DAB2IP: variants seen among roughly 807,000 people sequenced by gnomAD.
DAB2IP encodes the protein DAB2 interacting protein.
Under a neutral mutation model 107.2 loss-of-function variants are expected in DAB2IP, and 28 were observed. The observed-to-expected ratio is 0.26, with a 90% CI of 0.19 to 0.36. DAB2IP has a LOEUF of 0.36. Among genes scored for constraint, DAB2IP ranks in the 10% least tolerant of loss-of-function variants. The pLI, the probability that DAB2IP is intolerant of heterozygous loss-of-function variation, is 1.00. For missense variants in DAB2IP, 1,400 were observed against 1,644.7 expected (o/e 0.85, Z 2.57); for synonymous variants, 755 against 706.4 (o/e 1.07, Z -1.09).
At chr9:121,653,282 TAAAGACCTGGGG>T (rs1832835709) in intron 1 of DAB2IP, among the ~76,000 whole-genome samples, 4 of 149,844 alleles carry the variant, frequency 2.7e-5, no homozygotes, top group African/African-American at 9.8e-5. Context: ...GAGGGAGTAC[TAAAGACCTGGGG>T]AAGGCTTTAT....
intron 8 of DAB2IP, among the ~76,000 whole-genome samples, chr9:121,764,396 AAGC>A (rs1388426425): frequency 6.6e-6 from 1 of 152,226 alleles, no homozygotes; most frequent in Non-Finnish European, 1.5e-5. Context: ...CAGCCCCAGA[AAGC>A]AGCAGGGCAT....
chr9:121,701,327 G>A lies in DAB2IP; in HGVS notation c.362+1869G>A, dbSNP rs547523458. 6.6e-6 allele frequency among the ~76,000 whole-genome samples: 1 copy of A among 152,348 alleles called. No homozygotes were observed. The highest frequency in any genetic ancestry group is 2.4e-5 in the African/African-American group (1 of 41,590). The stretch of plus-strand genomic sequence containing the variant: ...GGGCATGGCCAAGACGACCTCGTGC[G>A]GGTCCTGCCCCACTTGGCCTCAGGT... On this transcript the variant is annotated intron_variant, in intron 3 of 15. Transcript: ENST00000408936. This position sits in a 1 kb window ranked among gnomAD's most constrained non-coding sequence, Gnocchi z 4.7.
At chr9:121,691,475 C>T (rs553744749) in intron 2 of DAB2IP, among the ~76,000 whole-genome samples, 1 of 149,972 alleles carries the variant, frequency 6.7e-6, no homozygotes, top group Non-Finnish European at 1.5e-5. Flanking sequence ...GAGCCGAGAT[C>T]GCGCCACTGC....
chr9:121,645,420 C>CA (rs1832501679), intron 1 of DAB2IP, among the ~76,000 whole-genome samples: 1 of 152,186 alleles, frequency 6.6e-6, no homozygotes, highest in African/African-American at 2.4e-5. Flanking sequence ...GGGCAGAAGG[C>CA]AGCAGGCATT....
rs79652520 is a variant in DAB2IP at position 121,753,316 on chromosome 9, G to A, written c.363-3697G>A. The stretch of plus-strand genomic sequence containing the variant: ...CTCCTTGGTGCCACCTCGCCTAGGG[G>A]ACCAAAGCTCTAGTCTCCAAGGACC... On this transcript the variant is annotated intron_variant, in intron 3 of 15. Coordinates refer to ENST00000408936, the Ensembl canonical transcript of DAB2IP. Among the ~76,000 whole-genome samples the A allele has an allele frequency of 8.8e-3, 1,337 of 152,312 alleles. 14 individuals are homozygous for A. The highest frequency in any genetic ancestry group is 0.026 in the African/African-American group (1,097 of 41,558).
intron 2 of DAB2IP, among the ~76,000 whole-genome samples, chr9:121,693,096 G>A (rs906848588): frequency 1.8e-4 from 27 of 152,360 alleles, no homozygotes; most frequent in South Asian, 2.1e-4. Context: ...GAAAGAGGAA[G>A]TGTGGGCAGA....
At chr9:121,764,472 C>G (rs371453627) in intron 8 of DAB2IP, among the ~76,000 whole-genome samples, 1 of 152,250 alleles carries the variant, frequency 6.6e-6, no homozygotes, top group Non-Finnish European at 1.5e-5. Flanking sequence ...GAGAAACTTG[C>G]GGTAAGGCCG....
At chr9:121,640,768 G>T (rs958256063) in intron 1 of DAB2IP, among the ~76,000 whole-genome samples, 1 of 152,192 alleles carries the variant, frequency 6.6e-6, no homozygotes, top group African/African-American at 2.4e-5. Flanking sequence ...GTGGGGTGGG[G>T]CCAGTCCTGA....
At chr9:121,624,890 G>A (rs1831589351) in intron 1 of DAB2IP, among the ~76,000 whole-genome samples, 1 of 152,234 alleles carries the variant, frequency 6.6e-6, no homozygotes, top group Admixed American at 6.5e-5. Context: ...AGGAACGTAA[G>A]TCTCAATAAG....
chr9:121,712,125 C>G (rs1320319464), intron 3 of DAB2IP, among the ~76,000 whole-genome samples: 1 of 152,162 alleles, frequency 6.6e-6, no homozygotes. Context: ...CTCTGCTTTT[C>G]CTGGCATGGA....
intron 1 of DAB2IP, among the ~76,000 whole-genome samples, chr9:121,674,230 G>A (rs1226552773): frequency 6.6e-6 from 1 of 152,196 alleles, no homozygotes; most frequent in East Asian, 1.9e-4. Context: ...TCTTGCCAGG[G>A]TTCCTCTTTG....
chr9:121,657,707 G>C (rs1286421773), intron 1 of DAB2IP, among the ~76,000 whole-genome samples: 1 of 151,822 alleles, frequency 6.6e-6, no homozygotes, highest in Non-Finnish European at 1.5e-5. Context: ...CGCTGGAATG[G>C]ACCCAGGGCA....
At chr9:121,738,049 G>T (rs376934939) in intron 3 of DAB2IP, among the ~76,000 whole-genome samples, 2 of 152,056 alleles carry the variant, frequency 1.3e-5, no homozygotes, top group East Asian at 3.9e-4. Context: ...AGGTGGGGAG[G>T]TGGGCTGGGG....
At position 121,782,354 on chromosome 9, in the gene DAB2IP, T is replaced by A. The variant is rs1835727189; in HGVS notation, c.3426T>A (p.Asp1142Glu). 1 of 1,613,856 alleles carries A rather than the reference T, an allele frequency of 6.2e-7. No individual in the cohort carries two copies. Among genetic ancestry groups the A allele is most frequent in the Admixed American group, 1.7e-5 (1 of 59,984 alleles). The change falls in exon 16 of 16, where the codon GAT becomes GAA. Residue 1142 changes from aspartate to glutamate, a missense_variant. Asp to Glu is a conservative substitution (Grantham distance 45). This residue lies in a region of DAB2IP where 600 missense variants were observed against 659.1 expected (regional missense o/e 0.91). Coordinates refer to ENST00000408936, the Ensembl canonical transcript of DAB2IP. The surrounding 1 kb of genome is among the most constrained non-coding windows in gnomAD (Gnocchi z 6.1). ...AGGAGAAGCGCATTGCCTCGTTGGATGCCGCCAATGCCCGCCTCATGAGTG... is the reference window on the plus strand; with the variant it reads ...AGGAGAAGCGCATTGCCTCGTTGGAAGCCGCCAATGCCCGCCTCATGAGTG...
At chr9:121,785,271 A>G (rs1439342024) in exon 16 of DAB2IP, 1 of 152,422 alleles carries the variant, frequency 6.6e-6, no homozygotes, top group African/African-American at 2.4e-5. Flanking sequence ...GTCCAGGGAA[A>G]CAGCCTCTCT....
intron 1 of DAB2IP, among the ~76,000 whole-genome samples, chr9:121,594,300 C>T (rs7871183): frequency 0.025 from 3,712 of 146,872 alleles, 65 homozygotes; most frequent in African/African-American, 0.047. Context: ...GCAAATGGTG[C>T]GATCTTGGCT....
intron 1 of DAB2IP, chr9:121,575,501 A>G (rs1184407017): frequency 1.3e-5 from 2 of 152,126 alleles, no homozygotes; most frequent in Non-Finnish European, 2.9e-5. Flanking sequence ...TTCTTGGTAT[A>G]TTGTTCAATT....
chr9:121,602,001 A>G (rs1830698265), intron 1 of DAB2IP, among the ~76,000 whole-genome samples: 1 of 144,112 alleles, frequency 6.9e-6, no homozygotes, highest in African/African-American at 2.6e-5. Context: ...CCTCATCTCT[A>G]CTCCAGGCCT....
intron 1 of DAB2IP, among the ~76,000 whole-genome samples, chr9:121,586,299 G>A (rs1422921143): frequency 6.6e-6 from 1 of 152,230 alleles, no homozygotes; most frequent in East Asian, 1.9e-4. Flanking sequence ...ACTTACTTGA[G>A]ACAAATAACT....
Sources: gnomAD v4.1 joint callset for allele counts (sites outside exome capture counted in the v4.1 genomes callset) on GRCh38, gnomAD v4.1.1 for gene constraint, gnomAD v4.1.1 regional missense constraint, Gnocchi (gnomAD v3.1) non-coding constraint, MANE v1.5 for transcripts, NCBI Gene and HGNC (gene_info 2026-07-23, HGNC 2026-07-21) for gene names.